The following TRAF7 variants were observed in gnomAD, a reference collection of about 807,000 sequenced individuals.
TRAF7 encodes the protein TNF receptor associated factor 7.
TRAF7 carries 45 observed loss-of-function variants against 89.3 expected under a neutral mutation model. That is an observed-to-expected ratio of 0.50 (90% CI 0.40 to 0.65). The LOEUF (loss-of-function observed/expected upper bound fraction) is 0.65, where lower values mean the gene tolerates loss of function less well. Among genes scored for constraint, TRAF7 ranks in the 30% least tolerant of loss-of-function variants. The pLI is 0.00. For missense variants in TRAF7, 677 were observed against 918.1 expected (o/e 0.74, Z 3.39); for synonymous variants, 406 against 369.2 (o/e 1.10, Z -1.14).
In TRAF7 at chr16:2,158,264, G is replaced by A. The variant is rs1331011638; in HGVS notation, c.-39+2406G>A. Among the ~76,000 whole-genome samples the A allele has an allele frequency of 2.0e-5, 3 of 151,824 alleles. No individual in the cohort carries two copies. Among genetic ancestry groups the A allele is most frequent in the African/African-American group, 7.3e-5 (3 of 41,290 alleles). Reference sequence around the variant, plus strand: ...ATCATGCGGGGGGAACCTGTGGAGAGGGACCCACCAACCCCTTAGTCTTTG... The same window carrying A: ...ATCATGCGGGGGGAACCTGTGGAGAAGGACCCACCAACCCCTTAGTCTTTG... On this transcript the variant is annotated intron_variant, in intron 1 of 20. Transcript: ENST00000326181. This position sits in a 1 kb window ranked among gnomAD's most constrained non-coding sequence, Gnocchi z 4.7.
chr16:2,170,360 CAA>C (rs1168708950), intron 4 of TRAF7, among the ~76,000 whole-genome samples: 3 of 152,248 alleles, frequency 2.0e-5, no homozygotes, highest in Admixed American at 2.0e-4. Flanking sequence ...TCCATTTACA[CAA>C]AGAGAGGTGG....
chr16:2,173,376 AG>A lies in TRAF7; in HGVS notation c.990del (p.Lys331ArgfsTer31), dbSNP rs2093121768. The A allele has an allele frequency of 6.2e-7, 1 of 1,613,390 alleles. No homozygotes were observed. The highest frequency in any genetic ancestry group is 8.5e-7 in the Non-Finnish European group (1 of 1,179,986). On this transcript the variant is annotated frameshift_variant, in exon 10 of 21. Transcript: ENST00000326181. LOFTEE classifies it high-confidence loss of function. ...GKLSEKIDQLEKSLELKFDVL... is the reference protein window; with the variant it reads ...GKLSEKIDQLXKSLELKFDVL... ...CTCTCGGAGAAGATCGACCAGCTAG[AG>A]AAGAGCCTGGAGCTCAAGTTTGGTG...
intron 2 of TRAF7, among the ~76,000 whole-genome samples, 175 bp downstream of exon 2, chr16:2,164,176 GCGCGCA>G (rs1424321200): frequency 6.2e-5 from 8 of 128,168 alleles, no homozygotes; most frequent in Admixed American, 1.5e-4. Flanking sequence ...GCGCGCGCGC[GCGCGCA>G]CGCGTGCGTG....
At chr16:2,160,285 G>A (rs1208715237) in intron 1 of TRAF7, among the ~76,000 whole-genome samples, 1 of 151,996 alleles carries the variant, frequency 6.6e-6, no homozygotes, top group African/African-American at 2.4e-5. Context: ...CCCTCTGCAC[G>A]GTGCTGACCC....
At position 2,177,441 on chromosome 16, in the gene TRAF7, G is replaced by A. The variant is rs1033048267; in HGVS notation, c.*867G>A. ...TTTTTAAATTTTTTTTTTAAGAAAC[G>A]TCAAAGTTGTGCCCAACACTGTGGA... On this transcript the variant is annotated 3_prime_UTR_variant, in exon 21 of 21. Coordinates refer to ENST00000326181, the MANE Select transcript of TRAF7 (RefSeq NM_032271.3). The A allele has an allele frequency of 1.3e-5, 3 of 232,654 alleles. No individual in the cohort carries two copies. Among genetic ancestry groups the A allele is most frequent in the East Asian group, 6.1e-5 (1 of 16,458 alleles). The allele number at this position is 232,654 out of a possible 1,614,324, so 14.4% of individuals were successfully genotyped here. A position where few individuals can be genotyped will look rare whatever the true frequency, so the allele number is the denominator to read the frequency against.
Position 2,163,107 on chromosome 16 carries a change from TCCCAGCA to T in TRAF7, c.-38-771_-38-765del, listed in dbSNP as rs1205914673. Among the ~76,000 whole-genome samples the T allele has an allele frequency of 1.3e-5, 2 of 152,064 alleles. No individual in the cohort carries two copies. Among genetic ancestry groups the T allele is most frequent in the African/African-American group, 4.8e-5 (2 of 41,396 alleles). ...TGGTGTCCCTGGGCCTGGCCAGCAC[TCCCAGCA>T]CCCACGGAGGGGCCACGTCTCCCCC... On this transcript the variant is annotated intron_variant, in intron 1 of 20. Coordinates refer to ENST00000326181, the MANE Select transcript of TRAF7 (RefSeq NM_032271.3). The surrounding 1 kb of genome is among the most constrained non-coding windows in gnomAD (Gnocchi z 4.3).
chr16:2,172,740 A>G, intron 9 of TRAF7, 141 bp downstream of exon 9: 1 of 1,134,056 alleles, frequency 8.8e-7, no homozygotes, highest in East Asian at 2.6e-5. Context: ...TCTGAGGCCC[A>G]AGGCCCTGGA....
intron 4 of TRAF7, among the ~76,000 whole-genome samples, chr16:2,169,424 C>A (rs1034334551): frequency 4.6e-5 from 7 of 152,130 alleles, no homozygotes; most frequent in Admixed American, 3.9e-4. Context: ...GCCACGAGTC[C>A]TCCATGTCTG....
intron 1 of TRAF7, among the ~76,000 whole-genome samples, chr16:2,160,927 C>T (rs1220479013): frequency 6.6e-6 from 1 of 152,126 alleles, no homozygotes; most frequent in African/African-American, 2.4e-5. Flanking sequence ...CCAGTTGTGG[C>T]CCAAGGGGTC....
Position 2,176,745 on chromosome 16 carries a change from A to G in TRAF7, c.*171A>G. 1 of 952,622 alleles carries G rather than the reference A, an allele frequency of 1.0e-6. No homozygotes were observed. Among genetic ancestry groups the G allele is most frequent in the Non-Finnish European group, 1.6e-6 (1 of 621,264 alleles). 59.0% of individuals were successfully genotyped at this position (952,622 alleles called of 1,614,324 possible). ...TCCCATGCTCGGCGAGCCTCCCTCT[A>G]CTCGGCACTGTCCTTGCTGCCCAGC... On this transcript the variant is annotated 3_prime_UTR_variant, in exon 21 of 21. Transcript: ENST00000326181.
In TRAF7 at chr16:2,168,089, G is replaced by A. The variant is rs200141222; in HGVS notation, c.152G>A (p.Ser51Asn). The change falls in exon 4 of 21, where the codon AGC becomes AAC. Residue 51 changes from serine (S) to asparagine (N), a missense_variant. Ser to Asn is a conservative substitution (Grantham distance 46). This residue lies in a region of TRAF7 where 240 missense variants were observed against 191.9 expected (regional missense o/e 1.25). Coordinates refer to ENST00000326181, the MANE Select transcript of TRAF7 (RefSeq NM_032271.3). This position sits in a 1 kb window ranked among gnomAD's most constrained non-coding sequence, Gnocchi z 4.1. ...VTTITKADGT[S>N]TYKQHCRTPS... ...TCTTGCCTTGCAGCTGACGGGACCA[G>A]CACCTACAAGCAGCACTGCAGGACA... 2.0e-4 allele frequency: 317 copies of A among 1,611,556 alleles called. 1 individual carries two copies. The highest frequency in any genetic ancestry group is 3.4e-4 in the Middle Eastern group (2 of 5,896).
rs572068873 is a variant in TRAF7 at position 2,174,403 on chromosome 16, G to A, written c.1346+70G>A. 1.1e-5 allele frequency: 17 copies of A among 1,495,404 alleles called. No homozygotes were observed. The East Asian group carries it at 1.4e-4, about 12-fold the overall frequency. 92.6% of individuals were successfully genotyped at this position (1,495,404 alleles called of 1,614,324 possible). ...ACGTGGCGCTGCCACCCCGTGGGCC[G>A]TGAGCCATGAGCTCGAGCCTGTGTA... On this transcript the variant is annotated intron_variant, in intron 14 of 20. Transcript: ENST00000326181.
chr16:2,171,483 G>A (rs1376530930), intron 6 of TRAF7, 89 bp from the exon 7 acceptor site: 2 of 1,588,598 alleles, frequency 1.3e-6, no homozygotes, highest in Non-Finnish European at 1.7e-6. Flanking sequence ...CTGGGCTTGG[G>A]GTACAGCGAG....
rs992702202 is a variant in TRAF7 at position 2,166,313 on chromosome 16, C to T, written c.139+377C>T. Among the ~76,000 whole-genome samples the T allele has an allele frequency of 1.4e-4, 22 of 152,206 alleles. 1 individual carries two copies. Among genetic ancestry groups the T allele is most frequent in the Admixed American group, 6.5e-4 (10 of 15,282 alleles). The stretch of plus-strand genomic sequence containing the variant: ...CAGCCTCCGAAAGGTCCCGTGTGCC[C>T]GGAGGTCTTCTCTTGAGTTTGGCCC... On this transcript the variant is annotated intron_variant, in intron 3 of 20. Transcript: ENST00000326181.
intron 12 of TRAF7, 23 bp downstream of exon 12, chr16:2,173,859 T>TGCCCCCCCCCC: frequency 8.0e-7 from 1 of 1,246,252 alleles, no homozygotes; most frequent in Non-Finnish European, 1.1e-6. Context: ...CCGCCGTGGC[T>TGCCCCCCCCCC]CCCGCCCACC....
chr16:2,164,187 T>TGC (rs1330105991), intron 2 of TRAF7, among the ~76,000 whole-genome samples, 186 bp downstream of exon 2: 1 of 130,984 alleles, frequency 7.6e-6, no homozygotes, highest in Non-Finnish European at 1.6e-5. Flanking sequence ...CGCGCACGCG[T>TGC]GCGTGTGTGG....
In TRAF7 at chr16:2,174,329, C is replaced by T; in HGVS notation, c.1342C>T (p.Gln448Ter). 1 of 1,612,952 alleles carries T rather than the reference C, an allele frequency of 6.2e-7. No homozygotes were observed. Among genetic ancestry groups the T allele is most frequent in the Non-Finnish European group, 8.5e-7 (1 of 1,179,912 alleles). Residue 448 changes from glutamine (Q) to a stop codon, truncating the protein, a stop_gained, in exon 14 of 21, where the codon CAG becomes TAG. Coordinates refer to ENST00000326181, the MANE Select transcript of TRAF7 (RefSeq NM_032271.3). LOFTEE classifies it high-confidence loss of function. ...HDGIVLALCI[Q>*]GCKLYSGSAD... ...TGGCATCGTGCTGGCTCTCTGCATCCAGGGGTGAGTCCAGGCACATGTGTG... is the reference window on the plus strand; with the variant it reads ...TGGCATCGTGCTGGCTCTCTGCATCTAGGGGTGAGTCCAGGCACATGTGTG...
At position 2,159,800 on chromosome 16, in the gene TRAF7, C is replaced by A. The variant is rs1418450117; in HGVS notation, c.-39+3942C>A. Among the ~76,000 whole-genome samples, 1 of 152,224 alleles carries A rather than the reference C, an allele frequency of 6.6e-6. No individual in the cohort carries two copies. The highest frequency in any genetic ancestry group is 1.5e-5 in the Non-Finnish European group (1 of 68,022). On this transcript the variant is annotated intron_variant, in intron 1 of 20. Coordinates refer to ENST00000326181, the MANE Select transcript of TRAF7 (RefSeq NM_032271.3). The surrounding 1 kb of genome is among the most constrained non-coding windows in gnomAD (Gnocchi z 6.5). The stretch of plus-strand genomic sequence containing the variant: ...GGGGACCCCCACACCCCACCTGCTC[C>A]GGGTTGCTGGAGGAGCTGCTTTAAG...
At chr16:2,157,916 G>C (rs745857806) in intron 1 of TRAF7, among the ~76,000 whole-genome samples, 26 of 152,220 alleles carry the variant, frequency 1.7e-4, no homozygotes, top group Non-Finnish European at 8.8e-5. Flanking sequence ...AGGAGCTGCT[G>C]TCTGGGGTGC....
Sources: allele counts gnomAD v4.1 joint callset (sites outside exome capture counted in the v4.1 genomes callset), GRCh38; gene constraint gnomAD v4.1.1; regional missense constraint gnomAD v4.1.1; non-coding constraint Gnocchi (gnomAD v3.1); transcripts MANE v1.5; gene names NCBI Gene and HGNC (gene_info 2026-07-23, HGNC 2026-07-21).